Variants in PRSS23 observed in about 807,000 individuals in gnomAD.
The protein encoded by PRSS23 is serine protease 23.
PRSS23 carries 25 observed loss-of-function variants against 34.7 expected under a neutral mutation model. The observed-to-expected ratio is 0.72, with a 90% CI of 0.53 to 1.01. The LOEUF (loss-of-function observed/expected upper bound fraction) is 1.01. PRSS23 is among the 50% of genes least tolerant of loss of function. The pLI is 0.00. For synonymous variants in PRSS23, 176 were observed against 186.6 expected, an observed-to-expected ratio of 0.94 and a Z score of 0.46; for missense variants, 445 against 475.6, an observed-to-expected ratio of 0.94 and a Z score of 0.60.
intron 2 of PRSS23, among the ~76,000 whole-genome samples, chr11:86,878,476 G>A (rs1007645513): frequency 1.3e-5 from 2 of 152,132 alleles, no homozygotes; most frequent in African/African-American, 4.8e-5. Flanking sequence ...TGTTGGCTGG[G>A]CTGGTCTCCA....
chr11:86,934,831 G>A (rs1183211777), intron 2 of PRSS23: 1 of 152,248 alleles, frequency 6.6e-6, no homozygotes, highest in Non-Finnish European at 1.5e-5. Flanking sequence ...ATTTGGGAAA[G>A]GAGAGAGGGG....
At chr11:86,845,736 T>A (rs181555770) in intron 2 of PRSS23, among the ~76,000 whole-genome samples, 13,773 of 147,320 alleles carry the variant, frequency 0.093, 840 homozygotes, top group Non-Finnish European at 0.13. Context: ...AGCAAAAAAA[T>A]TTTGCTGTAA....
intron 2 of PRSS23, among the ~76,000 whole-genome samples, chr11:86,879,489 G>T: frequency 7.8e-6 from 1 of 127,470 alleles, no homozygotes; most frequent in Non-Finnish European, 1.7e-5. Context: ...CCCCGTCCGG[G>T]AGGGAGGTGG....
chr11:86,913,037 C>T (rs1038075935), intron 2 of PRSS23, among the ~76,000 whole-genome samples: 2 of 152,198 alleles, frequency 1.3e-5, no homozygotes, highest in African/African-American at 4.8e-5. Flanking sequence ...TGCTTGACGT[C>T]TGTCTTACAC....
At chr11:86,828,850 C>G (rs1948325873) in intron 2 of PRSS23, among the ~76,000 whole-genome samples, 1 of 152,194 alleles carries the variant, frequency 6.6e-6, no homozygotes, top group African/African-American at 2.4e-5. Context: ...TGTAGAGTTT[C>G]TGCCGAGAGA....
chr11:86,914,052 A>AAAC (rs1555081480), intron 2 of PRSS23, among the ~76,000 whole-genome samples: 2 of 151,184 alleles, frequency 1.3e-5, no homozygotes, highest in Admixed American at 6.6e-5. Flanking sequence ...TAAAAAAAAA[A>AAAC]AAAAAAAAAC....
chr11:86,908,137 A>G (rs552922510), intron 2 of PRSS23, among the ~76,000 whole-genome samples: 2 of 152,326 alleles, frequency 1.3e-5, no homozygotes, highest in Admixed American at 1.3e-4. Flanking sequence ...TTGTTTCCAC[A>G]TGTCAGCTAT....
At chr11:86,847,892 G>A (rs149774724) in intron 2 of PRSS23, among the ~76,000 whole-genome samples, 2,454 of 152,102 alleles carry the variant, frequency 0.016, 56 homozygotes, top group African/African-American at 0.053. Flanking sequence ...CCAAGCCTGC[G>A]AGCTTTGCCC....
intron 2 of PRSS23, chr11:86,941,064 TG>T (rs1949204052): frequency 6.6e-6 from 1 of 152,190 alleles, no homozygotes. Context: ...TTCTGAATTC[TG>T]GGGGTGGTTT....
chr11:86,837,754 G>T (rs185269117), intron 2 of PRSS23: 1 of 152,222 alleles, frequency 6.6e-6, no homozygotes, highest in African/African-American at 2.4e-5. Context: ...GTGACAGAGC[G>T]AGACTCCATC....
chr11:86,829,820 A>C (rs1948336233), intron 2 of PRSS23, among the ~76,000 whole-genome samples: 1 of 152,200 alleles, frequency 6.6e-6, no homozygotes, highest in African/African-American at 2.4e-5. Context: ...GTGAACCACG[A>C]ATGCTGCTGT....
chr11:86,886,602 T>C (rs1948804099), intron 2 of PRSS23, among the ~76,000 whole-genome samples: 1 of 152,194 alleles, frequency 6.6e-6, no homozygotes, highest in Non-Finnish European at 1.5e-5. Context: ...GGACCCAACC[T>C]GCAACAATCC....
intron 2 of PRSS23, among the ~76,000 whole-genome samples, chr11:86,918,864 C>G (rs113771440): frequency 0.035 from 5,265 of 152,252 alleles, 117 homozygotes; most frequent in South Asian, 0.087. Context: ...AAGAAAACAA[C>G]AAAGCTCTTT....
chr11:86,808,895 T>C lies in PRSS23; in HGVS notation c.*100T>C. On this transcript the variant is annotated 3_prime_UTR_variant, in exon 2 of 2. Transcript: ENST00000280258. ...ATTGGCGTGCACACGTGTGTGTGTG[T>C]GTGTGTGTGTGTGTAAGGTGTCTTA... 14 of 915,314 alleles carry C rather than the reference T, an allele frequency of 1.5e-5. No homozygotes were observed. The highest frequency in any genetic ancestry group is 2.4e-5 in the Non-Finnish European group (14 of 588,736). The allele number at this position is 915,314 out of a possible 1,614,324, so 56.7% of individuals were successfully genotyped here. A position where few individuals can be genotyped will look rare whatever the true frequency, so the allele number is the denominator to read the frequency against.
intron 2 of PRSS23, among the ~76,000 whole-genome samples, chr11:86,884,442 G>A (rs1419312400): frequency 1.3e-5 from 2 of 152,128 alleles, no homozygotes; most frequent in Non-Finnish European, 2.9e-5. Context: ...TGGGATTACA[G>A]GCACGTGCCA....
At chr11:86,878,266 C>CATCTCCGTCTCCCTCTCCCT (rs1167544227) in intron 2 of PRSS23, among the ~76,000 whole-genome samples, 1 of 60,658 alleles carries the variant, frequency 1.6e-5, no homozygotes, top group Non-Finnish European at 3.0e-5. Flanking sequence ...TCCCTCTCCC[C>CATCTCCGTCTCCCTCTCCCT]ACGGTCTCCC....
intron 2 of PRSS23, chr11:86,832,872 T>G (rs1451486921): frequency 3.1e-6 from 1 of 321,258 alleles, no homozygotes; most frequent in Non-Finnish European, 6.1e-6. Context: ...ACTATGTTAT[T>G]GGTGAAGGTG....
At chr11:86,937,748 C>G (rs974699348) in intron 2 of PRSS23, 2 of 152,218 alleles carry the variant, frequency 1.3e-5, no homozygotes, top group African/African-American at 4.8e-5. Context: ...AATAGGCAAC[C>G]AGAAGCCTTC....
At chr11:86,822,755 A>C (rs1948262726) in intron 1 of PRSS23, among the ~76,000 whole-genome samples, 1 of 152,168 alleles carries the variant, frequency 6.6e-6, no homozygotes, top group Non-Finnish European at 1.5e-5. Flanking sequence ...CTCTGGGAGC[A>C]GAGAGACATG....
Sources: gnomAD v4.1 joint callset for allele counts (sites outside exome capture counted in the v4.1 genomes callset) on GRCh38, gnomAD v4.1.1 for gene constraint, MANE v1.5 for transcripts, NCBI Gene and HGNC (gene_info 2026-07-23, HGNC 2026-07-21) for gene names.